FAM210A: variants seen among roughly 807,000 people sequenced by gnomAD.
FAM210A encodes the protein mitochondrial inner membrane scaffold 1.
FAM210A carries 13 observed loss-of-function variants against 25.3 expected under a neutral mutation model. That is an observed-to-expected ratio of 0.51 (90% confidence interval 0.33 to 0.82). FAM210A has a LOEUF of 0.82. Ranked by LOEUF, FAM210A falls within the 40% of genes least tolerant of loss-of-function variation. The pLI is 0.02. For synonymous variants in FAM210A, 125 were observed against 118.7 expected (o/e 1.05, Z -0.35); for missense variants, 319 against 323.2 (o/e 0.99, Z 0.10).
chr18:13,713,982 G>A (rs920263020), intron 1 of FAM210A, among the ~76,000 whole-genome samples: 1 of 152,054 alleles, frequency 6.6e-6, no homozygotes, highest in Non-Finnish European at 1.5e-5. Context: ...ACTCCTCCAG[G>A]GGTACGAACC....
chr18:13,720,364 T>G (rs754542474), intron 1 of FAM210A, among the ~76,000 whole-genome samples: 1 of 152,102 alleles, frequency 6.6e-6, no homozygotes, highest in Non-Finnish European at 1.5e-5. Flanking sequence ...CACTCAAAAC[T>G]AGCAGTATTT....
At position 13,715,437 on chromosome 18, in the gene FAM210A, G is replaced by A. The variant is rs1256849819; in HGVS notation, c.-29+10892C>T. On this transcript the variant is annotated intron_variant, in intron 1 of 3. Coordinates refer to ENST00000651643, the MANE Select transcript of FAM210A (RefSeq NM_152352.4). ...GCCCTAATTCTGGTTTGACAGATAC[G>A]GCCTCAGAATAGTGGAGACAGGATT... 3.3e-5 allele frequency: 5 copies of A among 152,184 alleles called. No homozygotes were observed. The South Asian group carries it at 6.2e-4, about 19-fold the overall frequency. 9.4% of individuals were successfully genotyped at this position (152,184 alleles called of 1,614,324 possible).
At chr18:13,724,169 T>C (rs536128632) in intron 1 of FAM210A, among the ~76,000 whole-genome samples, 1 of 152,264 alleles carries the variant, frequency 6.6e-6, no homozygotes, top group African/African-American at 2.4e-5. Flanking sequence ...AACATCCTTA[T>C]CTAACTATTT....
In FAM210A at chr18:13,695,475, C is replaced by T. The variant is rs2043684207; in HGVS notation, c.-28-13370G>A. 2.0e-5 allele frequency among the ~76,000 whole-genome samples: 3 copies of T among 152,122 alleles called. No individual in the cohort carries two copies. The South Asian group carries it at 6.2e-4, about 32-fold the overall frequency. ...ACTTGGGACCAACCCAAATGTCCAT[C>T]AACGATAGACTGGATTAAGAAAATG... On this transcript the variant is annotated intron_variant, in intron 1 of 3. Coordinates refer to ENST00000651643, the MANE Select transcript of FAM210A (RefSeq NM_152352.4).
At chr18:13,721,159 G>T (rs1317478665) in intron 1 of FAM210A, among the ~76,000 whole-genome samples, 1 of 152,160 alleles carries the variant, frequency 6.6e-6, no homozygotes, top group Non-Finnish European at 1.5e-5. Context: ...CAGAGATCTT[G>T]TTATGACATA....
In FAM210A at chr18:13,669,841, G is replaced by A. The variant is rs868535419; in HGVS notation, c.585+2021C>T. ...ATGAGGCAGTCAGTGAATATATCCC[G>A]TAGCCAACTGCCACCAGACCATACA... On this transcript the variant is annotated intron_variant, in intron 3 of 3. Coordinates refer to ENST00000651643, the MANE Select transcript of FAM210A (RefSeq NM_152352.4). Among the ~76,000 whole-genome samples, 3 of 151,880 alleles carry A rather than the reference G, an allele frequency of 2.0e-5. No homozygotes were observed. The East Asian group carries it at 5.8e-4, about 29-fold the overall frequency.
At chr18:13,697,841 G>A (rs1036293985) in intron 1 of FAM210A, among the ~76,000 whole-genome samples, 13 of 152,220 alleles carry the variant, frequency 8.5e-5, no homozygotes, top group African/African-American at 3.1e-4. Flanking sequence ...TAAGTGAATG[G>A]ATAAACAAAT....
chr18:13,672,637 T>C (rs1205840126), intron 2 of FAM210A, among the ~76,000 whole-genome samples: 3 of 152,172 alleles, frequency 2.0e-5, no homozygotes, highest in African/African-American at 4.8e-5. Context: ...GTCCATCTCC[T>C]GACCTCATGA....
At chr18:13,694,208 G>A (rs2043673713) in intron 1 of FAM210A, among the ~76,000 whole-genome samples, 1 of 152,128 alleles carries the variant, frequency 6.6e-6, no homozygotes, top group Admixed American at 6.5e-5. Flanking sequence ...ACAAACCACT[G>A]CTTAACGAAA....
intron 1 of FAM210A, chr18:13,697,765 C>T (rs1489583689): frequency 6.6e-6 from 1 of 150,870 alleles, no homozygotes; most frequent in East Asian, 1.9e-4. Flanking sequence ...AAAAACTGTA[C>T]ATAGATGTTT....
intron 3 of FAM210A, 73 bp downstream of exon 3, chr18:13,671,789 G>T: frequency 3.5e-6 from 3 of 866,778 alleles, no homozygotes; most frequent in South Asian, 3.1e-5. Context: ...AAGCTAACAT[G>T]GAATCTCATG....
chr18:13,723,415 TAC>T (rs1200880619), intron 1 of FAM210A, among the ~76,000 whole-genome samples: 2 of 152,194 alleles, frequency 1.3e-5, no homozygotes, highest in Non-Finnish European at 2.9e-5. Flanking sequence ...TATAGACAGA[TAC>T]AGAGATATTG....
intron 3 of FAM210A, among the ~76,000 whole-genome samples, chr18:13,668,869 C>A (rs1416144886): frequency 6.6e-6 from 1 of 152,216 alleles, no homozygotes; most frequent in African/African-American, 2.4e-5. Context: ...ATGGGACCAT[C>A]ACTGTCTGTA....
chr18:13,666,381 C>A lies in FAM210A; in HGVS notation c.*99G>T, dbSNP rs571775136. 1 of 872,326 alleles carries A rather than the reference C, an allele frequency of 1.1e-6. No homozygotes were observed. Among genetic ancestry groups the A allele is most frequent in the Non-Finnish European group, 1.8e-6 (1 of 563,794 alleles). The allele number at this position is 872,326 out of a possible 1,614,324, so 54.0% of individuals were successfully genotyped here. ...TAACCCTCAGAGAACTAGTATATTT[C>A]GGCAACTAACCAAAAAAATAATCAG... On this transcript the variant is annotated 3_prime_UTR_variant, in exon 4 of 4. Coordinates refer to ENST00000651643, the MANE Select transcript of FAM210A (RefSeq NM_152352.4).
intron 1 of FAM210A, among the ~76,000 whole-genome samples, chr18:13,682,634 T>C (rs2043565235): frequency 6.6e-6 from 1 of 150,564 alleles, no homozygotes; most frequent in Non-Finnish European, 1.5e-5. Context: ...TTTGGGAGTC[T>C]GAGGCAGGCG....
intron 1 of FAM210A, among the ~76,000 whole-genome samples, chr18:13,723,725 T>G (rs1244127099): frequency 6.6e-6 from 1 of 152,222 alleles, no homozygotes; most frequent in Non-Finnish European, 1.5e-5. Context: ...TAACTAGGTA[T>G]TATAGCCTAG....
Position 13,691,688 on chromosome 18 carries a change from A to C in FAM210A, c.-28-9583T>G, listed in dbSNP as rs1219036422. On this transcript the variant is annotated intron_variant, in intron 1 of 3. Coordinates refer to ENST00000651643, the MANE Select transcript of FAM210A (RefSeq NM_152352.4). ...GTGAAGGAGAAATAAAATACTTTAC[A>C]GACAAGCAAATGCTGAGAGATTTTG... Among the ~76,000 whole-genome samples the C allele has an allele frequency of 3.1e-4, 47 of 150,416 alleles. No homozygotes were observed. The Admixed American group carries it at 3.1e-3, about 10-fold the overall frequency.
At chr18:13,672,439 T>A (rs1283809633) in intron 2 of FAM210A, among the ~76,000 whole-genome samples, 1 of 152,216 alleles carries the variant, frequency 6.6e-6, no homozygotes, top group African/African-American at 2.4e-5. Context: ...AGACAGAATC[T>A]TGTTCTGTTG....
At chr18:13,722,373 T>G (rs2043904033) in intron 1 of FAM210A, among the ~76,000 whole-genome samples, 1 of 151,528 alleles carries the variant, frequency 6.6e-6, no homozygotes, top group Non-Finnish European at 1.5e-5. Context: ...ATCTCTGACC[T>G]GAAGAGAAAA....
Sources: gnomAD v4.1 joint callset for allele counts (sites outside exome capture counted in the v4.1 genomes callset) on GRCh38, gnomAD v4.1.1 for gene constraint, MANE v1.5 for transcripts, NCBI Gene and HGNC (gene_info 2026-07-23, HGNC 2026-07-21) for gene names.